ATG2B: variants seen among roughly 807,000 people sequenced by gnomAD.
The protein encoded by ATG2B is autophagy related 2B.
Under a neutral mutation model 241.3 loss-of-function variants are expected in ATG2B, and 121 were observed. The observed-to-expected ratio is 0.50, with a 90% CI of 0.43 to 0.58. The LOEUF is 0.58. ATG2B is among the 20% of genes least tolerant of loss of function. The probability of loss-of-function intolerance (pLI) is 0.00; values close to 1 mark genes in which losing one functional copy is unlikely to be tolerated. For synonymous variants in ATG2B, 858 were observed against 876.6 expected (o/e 0.98, Z 0.37); for missense variants, 2,306 against 2,491.6 (o/e 0.93, Z 1.59).
Position 96,279,286 on chromosome 14 carries a change from A to G in ATG2B, c.*6469T>C, listed in dbSNP as rs1260006014. The G allele has an allele frequency of 6.6e-6, 1 of 152,220 alleles. No individual in the cohort carries two copies. Among genetic ancestry groups the G allele is most frequent in the Non-Finnish European group, 1.5e-5 (1 of 68,040 alleles). The allele number at this position is 152,220 out of a possible 1,614,324, so 9.4% of individuals were successfully genotyped here. Reference sequence around the variant, plus strand: ...TAAAATCAAGAAAACGTGAGCTTACATTGAATAAAGGACATCTGTAAGTAG... The same window carrying G: ...TAAAATCAAGAAAACGTGAGCTTACGTTGAATAAAGGACATCTGTAAGTAG... On this transcript the variant is annotated 3_prime_UTR_variant, in exon 42 of 42. Transcript: ENST00000359933.
At chr14:96,321,556 G>A (rs1393274439) in intron 18 of ATG2B, among the ~76,000 whole-genome samples, 1 of 152,178 alleles carries the variant, frequency 6.6e-6, no homozygotes, top group African/African-American at 2.4e-5. Context: ...GAGTCTTACA[G>A]AGGCTAGATA....
chr14:96,302,976 TC>T lies in ATG2B; in HGVS notation c.5037+84del, dbSNP rs577632400. On this transcript the variant is annotated intron_variant, in intron 33 of 41. Transcript: ENST00000359933. ...AATGAGAAAAGATATCTAGTAATTT[TC>T]CCTACTTTAACTCTCCTGAAGTTAG... 2.5e-4 allele frequency: 248 copies of T among 993,234 alleles called. 1 individual carries two copies. In the South Asian group the frequency reaches 6.9e-3, roughly 28 times the overall value. 61.5% of individuals were successfully genotyped at this position (993,234 alleles called of 1,614,324 possible). A position where few individuals can be genotyped will look rare whatever the true frequency, so the allele number is the denominator to read the frequency against.
intron 34 of ATG2B, among the ~76,000 whole-genome samples, chr14:96,298,076 T>G (rs1331385846): frequency 6.6e-6 from 1 of 152,136 alleles, no homozygotes; most frequent in Non-Finnish European, 1.5e-5. Context: ...ATTACAGGCA[T>G]GAGTAACCCG....
In ATG2B at chr14:96,305,586, TAC is replaced by T; in HGVS notation, c.4733+1_4733+2del. Reference sequence around the variant, plus strand: ...AAATAAACTTATATAGAAATTAACTTACATATAACTTTTAGCCGGAGAAGTGG... The same window carrying T: ...AAATAAACTTATATAGAAATTAACTTATATAACTTTTAGCCGGAGAAGTGG... On this transcript the variant is annotated splice_donor_variant, in intron 31 of 41. Transcript: ENST00000359933. LOFTEE classifies it high-confidence loss of function. 1 of 1,586,394 alleles carries T rather than the reference TAC, an allele frequency of 6.3e-7. No individual in the cohort carries two copies. Among genetic ancestry groups the T allele is most frequent in the East Asian group, 2.2e-5 (1 of 44,680 alleles).
intron 8 of ATG2B, 82 bp downstream of exon 8, chr14:96,333,606 T>C: frequency 7.6e-7 from 1 of 1,320,500 alleles, no homozygotes. Context: ...CCTAAACTTC[T>C]GTTCACAGCA....
At position 96,347,393 on chromosome 14, in the gene ATG2B, T is replaced by C. The variant is rs766981622; in HGVS notation, c.163-52A>G. The C allele has an allele frequency of 1.3e-5, 18 of 1,437,910 alleles. No individual in the cohort carries two copies. In the South Asian group the frequency reaches 2.6e-4, roughly 21 times the overall value. The allele number at this position is 1,437,910 out of a possible 1,614,324, so 89.1% of individuals were successfully genotyped here. A position where few individuals can be genotyped will look rare whatever the true frequency, so the allele number is the denominator to read the frequency against. On this transcript the variant is annotated intron_variant, in intron 1 of 41. Coordinates refer to ENST00000359933, the MANE Select transcript of ATG2B (RefSeq NM_018036.7). ...GAATCACAAGAACAAGAACACAAAG[T>C]TGTGAACTTATTCAAAGGTGTCAAA...
rs908698178 is a variant in ATG2B at position 96,283,154 on chromosome 14, G to C, written c.*2601C>G. ...CTGCCTCTCTACTCGTCATGTAAGG[G>C]GGTCTTAACATGTCAGAACATTGTG... On this transcript the variant is annotated 3_prime_UTR_variant, in exon 42 of 42. Coordinates refer to ENST00000359933, the MANE Select transcript of ATG2B (RefSeq NM_018036.7). 2.6e-5 allele frequency: 4 copies of C among 152,158 alleles called. No homozygotes were observed. Among genetic ancestry groups the C allele is most frequent in the Non-Finnish European group, 5.9e-5 (4 of 68,052 alleles). The allele number at this position is 152,158 out of a possible 1,614,324, so 9.4% of individuals were successfully genotyped here.
intron 3 of ATG2B, 105 bp downstream of exon 3, chr14:96,345,128 T>C (rs1278256875): frequency 1.8e-5 from 15 of 822,484 alleles, no homozygotes; most frequent in Non-Finnish European, 2.6e-5. Context: ...GTAATTCTTT[T>C]AAAAATCCAT....
chr14:96,292,680 C>A (rs951389273), intron 36 of ATG2B, among the ~76,000 whole-genome samples: 1 of 152,196 alleles, frequency 6.6e-6, no homozygotes, highest in African/African-American at 2.4e-5. Flanking sequence ...TAAAATGCCA[C>A]CTACATTGTT....
chr14:96,334,562 C>T (rs1410813565), intron 6 of ATG2B, 61 bp from the exon 7 acceptor site: 20 of 956,872 alleles, frequency 2.1e-5, no homozygotes, highest in South Asian at 3.3e-5. Context: ...TCACCATAAA[C>T]GTCAGTATAT....
At chr14:96,335,230 G>A (rs1397862224) in intron 6 of ATG2B, among the ~76,000 whole-genome samples, 9 of 152,108 alleles carry the variant, frequency 5.9e-5, no homozygotes, top group East Asian at 1.9e-4. Flanking sequence ...CTTTTCATTC[G>A]CCTCCTCTTA....
chr14:96,306,323 T>G (rs1333650327), intron 30 of ATG2B, among the ~76,000 whole-genome samples: 1 of 152,158 alleles, frequency 6.6e-6, no homozygotes, highest in African/African-American at 2.4e-5. Flanking sequence ...CACACACTTA[T>G]ATCTATACAT....
chr14:96,329,406 A>AATC, intron 12 of ATG2B, 78 bp downstream of exon 12: 1 of 1,024,628 alleles, frequency 9.8e-7, no homozygotes, highest in Non-Finnish European at 1.4e-6. Flanking sequence ...TTTTAAAGAA[A>AATC]ATCATTGCCT....
chr14:96,347,922 T>G (rs1402565843), intron 1 of ATG2B, among the ~76,000 whole-genome samples: 1 of 152,200 alleles, frequency 6.6e-6, no homozygotes, highest in Non-Finnish European at 1.5e-5. Flanking sequence ...GAGAACAATT[T>G]GGAGGTTCCT....
intron 6 of ATG2B, among the ~76,000 whole-genome samples, chr14:96,340,338 T>C (rs1888000265): frequency 6.6e-6 from 1 of 151,222 alleles, no homozygotes; most frequent in South Asian, 2.1e-4. Context: ...GAAAATGTGG[T>C]ATATATGAAC....
chr14:96,295,140 G>A lies in ATG2B; in HGVS notation c.5246C>T (p.Thr1749Ile), dbSNP rs563718339. ...ACTCAAATGCCTTGGCAAACTGCAGGTGACATCAGCTCCAGGAGACTTTTT... is the reference window on the plus strand; with the variant it reads ...ACTCAAATGCCTTGGCAAACTGCAGATGACATCAGCTCCAGGAGACTTTTT... ...EVKKSPGADVTCSLPRHLSTS... is the reference protein window; with the variant it reads ...EVKKSPGADVICSLPRHLSTS... The change falls in exon 36 of 42, where the codon ACC becomes ATC. Residue 1749 changes from threonine (T) to isoleucine (I), a missense_variant. Physicochemically the swap from Thr to Ile is moderately conservative, Grantham distance 89. Transcript: ENST00000359933. 1 of 1,614,152 alleles carries A rather than the reference G, an allele frequency of 6.2e-7. No homozygotes were observed. The highest frequency in any genetic ancestry group is 1.1e-5 in the South Asian group (1 of 91,088).
intron 1 of ATG2B, among the ~76,000 whole-genome samples, chr14:96,360,660 G>A (rs907929037): frequency 3.3e-5 from 5 of 152,276 alleles, no homozygotes; most frequent in African/African-American, 1.2e-4. Flanking sequence ...TCATTGCTGA[G>A]TTCAACAAAA....
Position 96,363,265 on chromosome 14 carries a change from G to C in ATG2B, c.-289C>G. Reference sequence around the variant, plus strand: ...GTGCAAGAGAGCGCGAGAGGAGGCGGCAGGGGCTGAGGCAGCCACCGCCAC... The same window carrying C: ...GTGCAAGAGAGCGCGAGAGGAGGCGCCAGGGGCTGAGGCAGCCACCGCCAC... On this transcript the variant is annotated 5_prime_UTR_variant, in exon 1 of 42. Coordinates refer to ENST00000359933, the MANE Select transcript of ATG2B (RefSeq NM_018036.7). 2.9e-6 allele frequency: 1 copy of C among 344,710 alleles called. No individual in the cohort carries two copies. Among genetic ancestry groups the C allele is most frequent in the Non-Finnish European group, 5.4e-6 (1 of 186,736 alleles). The allele number at this position is 344,710 out of a possible 1,614,324, so 21.4% of individuals were successfully genotyped here. A position where few individuals can be genotyped will look rare whatever the true frequency, so the allele number is the denominator to read the frequency against.
intron 16 of ATG2B, among the ~76,000 whole-genome samples, chr14:96,323,673 G>A (rs184830519): frequency 1.3e-5 from 2 of 152,328 alleles, no homozygotes; most frequent in East Asian, 1.9e-4. Context: ...ATAGACAGTG[G>A]AGAGGAGGAG....
Sources: allele counts gnomAD v4.1 joint callset (sites outside exome capture counted in the v4.1 genomes callset), GRCh38; gene constraint gnomAD v4.1.1; transcripts MANE v1.5; gene names NCBI Gene and HGNC (gene_info 2026-07-23, HGNC 2026-07-21).